DNER: variants seen among roughly 807,000 people sequenced by gnomAD.
DNER encodes the protein delta and Notch-like epidermal growth factor-related receptor.
In DNER, 33 loss-of-function variants were observed where a neutral mutation model predicts 78.2. The ratio of observed to expected loss-of-function variants is 0.42; its 90% CI spans 0.32 to 0.56. The LOEUF is 0.56. Ranked by LOEUF, DNER falls within the 20% of genes least tolerant of loss-of-function variation. The probability of loss-of-function intolerance (pLI) is 0.11; values close to 1 mark genes in which losing one functional copy is unlikely to be tolerated. For missense variants in DNER, 918 were observed against 975.3 expected (o/e 0.94, Z 0.78); for synonymous variants, 417 against 384.8 (o/e 1.08, Z -0.98).
chr2:229,456,579 A>C (rs1694578719), intron 7 of DNER, among the ~76,000 whole-genome samples: 1 of 151,976 alleles, frequency 6.6e-6, no homozygotes, highest in African/African-American at 2.4e-5. Flanking sequence ...ACATAGAACA[A>C]TGTCTACAGG....
Position 229,512,846 on chromosome 2 carries a change from C to T in DNER, c.1084G>A (p.Ala362Thr), listed in dbSNP as rs765060539. The change falls in exon 6 of 13, where the codon GCG becomes ACG. Residue 362 changes from alanine to threonine, a missense_variant. By Grantham distance (58) the Ala-to-Thr change is moderately conservative. Coordinates refer to ENST00000341772, the MANE Select transcript of DNER (RefSeq NM_139072.4). ...TTTTCATTTGCATCAATACAGCTCGCGTTGTTTTGGCAAGGTTTCCTCTGG... is the reference window on the plus strand; with the variant it reads ...TTTTCATTTGCATCAATACAGCTCGTGTTGTTTTGGCAAGGTTTCCTCTGG... ...ACQRKPCQNN[A>T]SCIDANEKQD... 36 of 1,614,130 alleles carry T rather than the reference C, an allele frequency of 2.2e-5. No homozygotes were observed. Among genetic ancestry groups the T allele is most frequent in the South Asian group, 2.0e-4 (18 of 91,082 alleles).
In DNER at chr2:229,371,598, G is replaced by A. The variant is rs148387513; in HGVS notation, c.1856-4479C>T. Among the ~76,000 whole-genome samples the A allele has an allele frequency of 2.2e-3, 329 of 152,316 alleles. 2 individuals are homozygous for A. Among genetic ancestry groups the A allele is most frequent in the African/African-American group, 7.6e-3 (315 of 41,566 alleles). On this transcript the variant is annotated intron_variant, in intron 11 of 12. Transcript: ENST00000341772. Reference sequence around the variant, plus strand: ...GCCCTAAACAAACACCTTGAGCTAGGCAGAGGTGCTAAACTTGGAGCAGTT... The same window carrying A: ...GCCCTAAACAAACACCTTGAGCTAGACAGAGGTGCTAAACTTGGAGCAGTT...
chr2:229,616,946 C>T (rs1438954595), intron 1 of DNER, among the ~76,000 whole-genome samples: 2 of 152,154 alleles, frequency 1.3e-5, no homozygotes, highest in South Asian at 2.1e-4. Context: ...GCTGTGACAA[C>T]GTGCCCTGGA....
intron 5 of DNER, among the ~76,000 whole-genome samples, chr2:229,534,902 C>G (rs868708390): frequency 6.6e-6 from 1 of 152,072 alleles, no homozygotes; most frequent in Non-Finnish European, 1.5e-5. Flanking sequence ...CTGGCACGAT[C>G]TCAACTCACT....
chr2:229,708,195 T>C (rs868360994), intron 1 of DNER, among the ~76,000 whole-genome samples: 14 of 152,228 alleles, frequency 9.2e-5, no homozygotes, highest in Admixed American at 3.9e-4. Context: ...CTGTCGTTTT[T>C]CTCTGCCACA....
intron 8 of DNER, among the ~76,000 whole-genome samples, chr2:229,432,133 T>C (rs1219700114): frequency 6.6e-6 from 1 of 152,232 alleles, no homozygotes; most frequent in Non-Finnish European, 1.5e-5. Context: ...TTAAAGATTA[T>C]TGTGCTATGT....
chr2:229,594,546 C>T (rs1244989739), intron 1 of DNER, among the ~76,000 whole-genome samples: 1 of 151,768 alleles, frequency 6.6e-6, no homozygotes, highest in Non-Finnish European at 1.5e-5. Flanking sequence ...AAGATTGCAC[C>T]ACTACACTCC....
intron 1 of DNER, among the ~76,000 whole-genome samples, chr2:229,666,990 C>T (rs908996006): frequency 6.6e-6 from 1 of 152,184 alleles, no homozygotes; most frequent in African/African-American, 2.4e-5. Context: ...CACATTTGGG[C>T]AGGAAAATAA....
chr2:229,508,302 C>T (rs1302189912), intron 6 of DNER, among the ~76,000 whole-genome samples: 1 of 152,136 alleles, frequency 6.6e-6, no homozygotes. Flanking sequence ...TTATGTTCCA[C>T]AATTTTACTT....
At chr2:229,490,513 A>G (rs1304744168) in intron 6 of DNER, among the ~76,000 whole-genome samples, 1 of 152,184 alleles carries the variant, frequency 6.6e-6, no homozygotes, top group East Asian at 1.9e-4. Context: ...TATCTCTAAA[A>G]TGTCCAGAAT....
chr2:229,613,082 T>C (rs549198583), intron 1 of DNER, among the ~76,000 whole-genome samples: 2 of 152,354 alleles, frequency 1.3e-5, no homozygotes, highest in South Asian at 4.1e-4. Flanking sequence ...CTGTTATCAG[T>C]ATCTCTATTG....
chr2:229,643,363 A>G (rs1698661332), intron 1 of DNER, among the ~76,000 whole-genome samples: 1 of 152,222 alleles, frequency 6.6e-6, no homozygotes, highest in Non-Finnish European at 1.5e-5. Flanking sequence ...GTCTGCCTGA[A>G]TCAAAGGAGA....
intron 1 of DNER, among the ~76,000 whole-genome samples, chr2:229,701,461 T>A (rs115875001): frequency 6.6e-6 from 1 of 152,222 alleles, no homozygotes; most frequent in Non-Finnish European, 1.5e-5. Context: ...AAAATGCTCA[T>A]TGTTTATCTG....
chr2:229,690,454 G>A (rs536286872), intron 1 of DNER, among the ~76,000 whole-genome samples: 17 of 152,324 alleles, frequency 1.1e-4, no homozygotes, highest in African/African-American at 3.8e-4. Flanking sequence ...AGTGCACAGA[G>A]AAAACATCTA....
At chr2:229,603,852 C>A (rs1284055833) in intron 1 of DNER, among the ~76,000 whole-genome samples, 1 of 152,078 alleles carries the variant, frequency 6.6e-6, no homozygotes, top group Non-Finnish European at 1.5e-5. Context: ...ACATATCTGA[C>A]ATACTCTTTG....
chr2:229,572,337 A>C (rs763887877), intron 4 of DNER, among the ~76,000 whole-genome samples: 1 of 151,960 alleles, frequency 6.6e-6, no homozygotes, highest in Non-Finnish European at 1.5e-5. Flanking sequence ...TTGAATAGAC[A>C]CTCCTTGATC....
intron 5 of DNER, among the ~76,000 whole-genome samples, chr2:229,543,164 AAG>A (rs111347632): frequency 0.12 from 17,827 of 152,046 alleles, 1,156 homozygotes; most frequent in African/African-American, 0.16. Context: ...TTAAAAAAAA[AAG>A]AAGAAGAAGA....
chr2:229,428,938 T>C (rs1383071135), intron 8 of DNER, among the ~76,000 whole-genome samples: 3 of 151,262 alleles, frequency 2.0e-5, no homozygotes, highest in African/African-American at 7.3e-5. Context: ...GAAAGAGACA[T>C]AGAAAGAGAA....
chr2:229,526,445 T>C (rs1400271279), intron 5 of DNER, among the ~76,000 whole-genome samples: 1 of 152,212 alleles, frequency 6.6e-6, no homozygotes, highest in Non-Finnish European at 1.5e-5. Context: ...CCACGGTTAA[T>C]ACCCTAGAGC....
Sources: gnomAD v4.1 joint callset for allele counts (sites outside exome capture counted in the v4.1 genomes callset) on GRCh38, gnomAD v4.1.1 for gene constraint, MANE v1.5 for transcripts, NCBI Gene and HGNC (gene_info 2026-07-23, HGNC 2026-07-21) for gene names.